ENPEP: variants seen among roughly 807,000 people sequenced by gnomAD.
ENPEP encodes AP-A.
ENPEP carries 103 observed loss-of-function variants against 114.5 expected under a neutral mutation model. The ratio of observed to expected loss-of-function variants is 0.90; its 90% CI spans 0.77 to 1.06. ENPEP has a LOEUF of 1.06. ENPEP is among the 50% of genes least tolerant of loss of function. The probability of loss-of-function intolerance (pLI) is 0.00; values close to 1 mark genes in which losing one functional copy is unlikely to be tolerated. For synonymous variants in ENPEP, 420 were observed against 422.0 expected (o/e 1.00, Z 0.06); for missense variants, 1,196 against 1,161.3 (o/e 1.03, Z -0.43).
In ENPEP at chr4:110,531,277, G is replaced by A; in HGVS notation, c.1807G>A (p.Gly603Arg). ...GTTATTTAATAGGTCAGAAAAAGAA[G>A]GTAAATATTATTAATTGATTTATTT... ...SVLFNRSEKE[G>R]ITLNSSNPSG... Residue 603 changes from glycine (G) to arginine (R), a missense_variant and splice_region_variant, in exon 11 of 20, where the codon GGA becomes AGA. Coordinates refer to ENST00000265162, the MANE Select transcript of ENPEP (RefSeq NM_001977.4). 6 of 1,412,046 alleles carry A rather than the reference G, an allele frequency of 4.2e-6. No individual in the cohort carries two copies. Among genetic ancestry groups the A allele is most frequent in the Non-Finnish European group, 5.7e-6 (6 of 1,055,660 alleles). 87.5% of individuals were successfully genotyped at this position (1,412,046 alleles called of 1,614,324 possible).
Position 110,476,800 on chromosome 4 carries a change from C to T in ENPEP, c.386C>T (p.Thr129Ile), listed in dbSNP as rs1429282709. The stretch of plus-strand genomic sequence containing the variant: ...ATCTCCATCAACCTGAGCGCTCCCA[C>T]CCGGTACCTGTGGCTGCACCTCCGG... The part of the protein sequence containing the change: ...VSISINLSAP[T>I]RYLWLHLRET... Residue 129 changes from threonine to isoleucine, a missense_variant, in exon 1 of 20, where the codon ACC (threonine) becomes ATC (isoleucine). Physicochemically the swap from Thr to Ile is moderately conservative, Grantham distance 89. Transcript: ENST00000265162. The T allele has an allele frequency of 1.9e-6, 3 of 1,614,204 alleles. No individual in the cohort carries two copies. The highest frequency in any genetic ancestry group is 2.5e-6 in the Non-Finnish European group (3 of 1,180,036).
At chr4:110,539,070 GA>G (rs1726752397) in intron 11 of ENPEP, among the ~76,000 whole-genome samples, 1 of 152,074 alleles carries the variant, frequency 6.6e-6, no homozygotes. Context: ...TAATAATAAT[GA>G]AAAAGTTTGA....
Position 110,563,113 on chromosome 4 carries a change from A to C in ENPEP, c.*1555A>C, listed in dbSNP as rs1240146330. The C allele has an allele frequency of 6.6e-6, 1 of 152,178 alleles. No individual in the cohort carries two copies. The highest frequency in any genetic ancestry group is 1.5e-5 in the Non-Finnish European group (1 of 68,010). The allele number at this position is 152,178 out of a possible 1,614,324, so 9.4% of individuals were successfully genotyped here. On this transcript the variant is annotated 3_prime_UTR_variant, in exon 20 of 20. Transcript: ENST00000265162. ...TTTAAATTATTTCAGAAGCAAAAAC[A>C]TATTAACATCATAACTTACCAGAAA...
intron 2 of ENPEP, among the ~76,000 whole-genome samples, chr4:110,489,120 CTTAAATAGT>C (rs541123168): frequency 8.2e-4 from 125 of 151,760 alleles, no homozygotes; most frequent in African/African-American, 2.9e-3. Flanking sequence ...AAAATCATCA[CTTAAATAGT>C]GGGTTGTGGA....
intron 3 of ENPEP, among the ~76,000 whole-genome samples, chr4:110,494,403 G>A (rs1277565932): frequency 6.6e-6 from 1 of 152,140 alleles, no homozygotes; most frequent in African/African-American, 2.4e-5. Context: ...CCATGTATTT[G>A]TTATGTACAC....
chr4:110,477,129 T>C lies in ENPEP; in HGVS notation c.644+71T>C. On this transcript the variant is annotated intron_variant, in intron 1 of 19. Coordinates refer to ENST00000265162, the MANE Select transcript of ENPEP (RefSeq NM_001977.4). ...CTTTCCATTTCTTTTCCTTTCCTTT[T>C]CACTTTCCGCTTTTAATTATTTTGT... The C allele has an allele frequency of 2.6e-6, 4 of 1,521,066 alleles. No homozygotes were observed. In the South Asian group the frequency reaches 5.2e-5, roughly 20 times the overall value. The allele number at this position is 1,521,066 out of a possible 1,614,324, so 94.2% of individuals were successfully genotyped here. A position where few individuals can be genotyped will look rare whatever the true frequency, so the allele number is the denominator to read the frequency against.
chr4:110,515,253 G>T, intron 7 of ENPEP, 124 bp from the exon 8 acceptor site: 1 of 767,776 alleles, frequency 1.3e-6, no homozygotes. Flanking sequence ...TAATTTAGCA[G>T]AATCATCTTG....
rs528792867 is a variant in ENPEP, at chr4:110,483,197, T to C, written c.645-5344T>C. Among the ~76,000 whole-genome samples the C allele has an allele frequency of 2.6e-5, 4 of 152,228 alleles. No individual in the cohort carries two copies. The East Asian group carries it at 7.7e-4, about 29-fold the overall frequency. The stretch of plus-strand genomic sequence containing the variant: ...ACTAACTGGTTCATTCAAACCACCA[T>C]AAAAATACATAGAGGTCTGAACAAT... On this transcript the variant is annotated intron_variant, in intron 1 of 19. Transcript: ENST00000265162.
At chr4:110,515,297 C>T (rs562273706) in intron 7 of ENPEP, 80 bp from the exon 8 acceptor site, 2 of 1,100,626 alleles carry the variant, frequency 1.8e-6, no homozygotes, top group Admixed American at 2.1e-5. Flanking sequence ...TCATGAAATA[C>T]TAGTTGCAAG....
At chr4:110,479,018 T>C (rs762913054) in intron 1 of ENPEP, among the ~76,000 whole-genome samples, 11 of 152,174 alleles carry the variant, frequency 7.2e-5, no homozygotes, top group Non-Finnish European at 1.5e-4. Context: ...ATAATACACG[T>C]TTATTGAAGG....
intron 3 of ENPEP, among the ~76,000 whole-genome samples, chr4:110,492,216 C>T (rs1724751352): frequency 6.6e-6 from 1 of 152,056 alleles, no homozygotes; most frequent in Non-Finnish European, 1.5e-5. Context: ...GAAATCATCA[C>T]CCCCATTTTA....
At chr4:110,529,799 C>T (rs1024312930) in intron 10 of ENPEP, among the ~76,000 whole-genome samples, 1 of 152,162 alleles carries the variant, frequency 6.6e-6, no homozygotes, top group Non-Finnish European at 1.5e-5. Flanking sequence ...GGGGGCCGGG[C>T]ACAGTGGCTT....
At chr4:110,541,387 C>T (rs1221371896) in intron 11 of ENPEP, among the ~76,000 whole-genome samples, 4 of 152,132 alleles carry the variant, frequency 2.6e-5, no homozygotes, top group Non-Finnish European at 4.4e-5. Context: ...AATCCATTTT[C>T]CCCTCCTCTG....
At chr4:110,549,951 T>C in intron 17 of ENPEP, 65 bp downstream of exon 17, 1 of 1,385,442 alleles carries the variant, frequency 7.2e-7, no homozygotes, top group African/African-American at 1.5e-5. Flanking sequence ...ACAGTCTCTT[T>C]AAGAGTCTGA....
At chr4:110,480,761 C>T (rs1248667397) in intron 1 of ENPEP, among the ~76,000 whole-genome samples, 1 of 152,208 alleles carries the variant, frequency 6.6e-6, no homozygotes, top group East Asian at 1.9e-4. Flanking sequence ...TAGAATTCCA[C>T]ATTGTCTTTC....
In ENPEP at chr4:110,553,302, T is replaced by G. The variant is rs773452464; in HGVS notation, c.2502-13T>G. On this transcript the variant is annotated splice_polypyrimidine_tract_variant and intron_variant, in intron 17 of 19. Coordinates refer to ENST00000265162, the MANE Select transcript of ENPEP (RefSeq NM_001977.4). ...GTTCACTTTGAATTGTTTTTCTGTT[T>G]GGCTTCTCTTAGGTATTTGGATTTG... The G allele has an allele frequency of 5.8e-6, 9 of 1,549,710 alleles. No homozygotes were observed. The highest frequency in any genetic ancestry group is 7.9e-6 in the Non-Finnish European group (9 of 1,138,608).
rs773222944 is a variant in ENPEP, at chr4:110,561,510, T to C, written c.2826T>C (p.His942=). The change falls in exon 20 of 20, where the codon CAT becomes CAC. Residue 942 remains histidine, a synonymous_variant. Transcript: ENST00000265162. ...VKNNIEWLKQ[H]RNTIREWFFN... ...ACAATATAGAGTGGCTAAAACAACA[T>C]AGAAACACCATCAGAGAATGGTTTT... The C allele has an allele frequency of 5.0e-6, 8 of 1,613,826 alleles. No individual in the cohort carries two copies. Among genetic ancestry groups the C allele is most frequent in the South Asian group, 3.3e-5 (3 of 91,068 alleles).
intron 3 of ENPEP, among the ~76,000 whole-genome samples, chr4:110,493,453 A>G (rs1724801200): frequency 6.6e-6 from 1 of 152,180 alleles, no homozygotes; most frequent in Admixed American, 6.5e-5. Flanking sequence ...CAGAAGCCAA[A>G]TTCCCTTTTG....
Position 110,520,166 on chromosome 4 carries a change from T to G in ENPEP, c.1576-49T>G, listed in dbSNP as rs764809683. On this transcript the variant is annotated intron_variant, in intron 9 of 19. Transcript: ENST00000265162. The stretch of plus-strand genomic sequence containing the variant: ...TAATCTAACTATTCTATCCTTTTAT[T>G]TTCTCATATTTGTTAATTAATTAAT... 5.6e-6 allele frequency: 9 copies of G among 1,597,002 alleles called. No homozygotes were observed. In the Admixed American group the frequency reaches 1.4e-4, roughly 24 times the overall value.
Sources: allele counts gnomAD v4.1 joint callset (sites outside exome capture counted in the v4.1 genomes callset), GRCh38; gene constraint gnomAD v4.1.1; transcripts MANE v1.5; gene names NCBI Gene and HGNC (gene_info 2026-07-23, HGNC 2026-07-21).